The following KIF26B variants were observed in gnomAD, a reference collection of about 807,000 sequenced individuals.
KIF26B encodes the protein kinesin family member 26B.
KIF26B carries 63 observed loss-of-function variants against 151.2 expected under a neutral mutation model. The observed-to-expected ratio is 0.42, with a 90% CI of 0.34 to 0.51. The LOEUF (loss-of-function observed/expected upper bound fraction) is 0.51, where lower values mean the gene tolerates loss of function less well. Among genes scored for constraint, KIF26B ranks in the 20% least tolerant of loss-of-function variants. The probability of loss-of-function intolerance (pLI) is 0.07; values close to 1 mark genes in which losing one functional copy is unlikely to be tolerated. For missense variants in KIF26B, 2,813 were observed against 2,913.6 expected (o/e 0.97, Z 0.79); for synonymous variants, 1,357 against 1,262.1 (o/e 1.08, Z -1.59).
chr1:245,335,696 A>T (rs145217939), intron 2 of KIF26B, among the ~76,000 whole-genome samples: 245 of 147,102 alleles, frequency 1.7e-3, no homozygotes, highest in African/African-American at 5.8e-3. Context: ...ACGCGGGGAA[A>T]GAAGGGTCCC....
At chr1:245,449,959 A>T (rs1659349217) in intron 4 of KIF26B, among the ~76,000 whole-genome samples, 1 of 152,208 alleles carries the variant, frequency 6.6e-6, no homozygotes, top group African/African-American at 2.4e-5. Flanking sequence ...ACGTGGAATG[A>T]GGAATGTCCA....
chr1:245,684,458 C>G, intron 11 of KIF26B, 63 bp downstream of exon 11: 1 of 1,477,318 alleles, frequency 6.8e-7, no homozygotes, highest in East Asian at 2.5e-5. Context: ...TGCCCTGGAA[C>G]AGAGTCAGAA....
At chr1:245,459,667 T>C (rs1659607049) in intron 4 of KIF26B, among the ~76,000 whole-genome samples, 1 of 152,088 alleles carries the variant, frequency 6.6e-6, no homozygotes, top group Non-Finnish European at 1.5e-5. Flanking sequence ...GCTGTGTCAG[T>C]GAAGGAGTGA....
At chr1:245,273,442 C>G (rs550563291) in intron 2 of KIF26B, among the ~76,000 whole-genome samples, 1 of 146,452 alleles carries the variant, frequency 6.8e-6, no homozygotes, top group Non-Finnish European at 1.5e-5. Flanking sequence ...AAAAAAAAAA[C>G]CCCAAAAAAC....
rs1470131824 is a variant in KIF26B at position 245,708,676 on chromosome 1, C to A, written c.*6070C>A. 6.6e-6 allele frequency: 1 copy of A among 152,088 alleles called. No homozygotes were observed. Among genetic ancestry groups the A allele is most frequent in the Non-Finnish European group, 1.5e-5 (1 of 68,030 alleles). 9.4% of individuals were successfully genotyped at this position (152,088 alleles called of 1,614,324 possible). A position where few individuals can be genotyped will look rare whatever the true frequency, so the allele number is the denominator to read the frequency against. On this transcript the variant is annotated 3_prime_UTR_variant, in exon 15 of 15. Transcript: ENST00000407071. The stretch of plus-strand genomic sequence containing the variant: ...AGGACAGAAAACCTGAGTTCTAATT[C>A]CAGCTTTGCCAGTCGTCCCGTCCGT...
intron 10 of KIF26B, among the ~76,000 whole-genome samples, chr1:245,662,346 C>CCTA (rs2044155946): frequency 6.9e-6 from 1 of 145,972 alleles, no homozygotes; most frequent in Non-Finnish European, 1.5e-5. Flanking sequence ...CACACACACC[C>CCTA]TATATATATA....
intron 3 of KIF26B, chr1:245,371,328 C>T (rs1021854626): frequency 5.3e-5 from 8 of 152,130 alleles, no homozygotes; most frequent in African/African-American, 4.8e-5. Flanking sequence ...TTGTACAGTT[C>T]GCAGTCTAGC....
At chr1:245,185,461 G>T (rs543976412) in intron 2 of KIF26B, among the ~76,000 whole-genome samples, 1 of 152,146 alleles carries the variant, frequency 6.6e-6, no homozygotes, top group Admixed American at 6.5e-5. Flanking sequence ...GGATAAAATC[G>T]AAAGGTACAA....
At chr1:245,177,057 C>T (rs533133917) in intron 2 of KIF26B, among the ~76,000 whole-genome samples, 5 of 152,198 alleles carry the variant, frequency 3.3e-5, no homozygotes, top group South Asian at 2.1e-4. Context: ...CTGGCTCAAG[C>T]GATCTGCTTG....
rs114080480 is a variant in KIF26B at position 245,623,895 on chromosome 1, A to T, written c.2098+11919A>T. On this transcript the variant is annotated intron_variant, in intron 9 of 14. Transcript: ENST00000407071. ...TACATGCACAAGTCTTTGTATGGTT[A>T]TATGGTTTGGCTCTGTCCTCGCCCA... 3.2e-3 allele frequency among the ~76,000 whole-genome samples: 483 copies of T among 152,298 alleles called. 2 individuals carry two copies. Among genetic ancestry groups the T allele is most frequent in the Admixed American group, 4.8e-3 (74 of 15,304 alleles).
chr1:245,392,625 C>T (rs759583298), intron 3 of KIF26B, among the ~76,000 whole-genome samples: 16 of 152,132 alleles, frequency 1.1e-4, no homozygotes, highest in Non-Finnish European at 2.1e-4. Context: ...ATCTCCCTCT[C>T]CCTTCCCCTT....
At chr1:245,612,513 A>G (rs951217264) in intron 9 of KIF26B, among the ~76,000 whole-genome samples, 4 of 152,168 alleles carry the variant, frequency 2.6e-5, no homozygotes, top group African/African-American at 9.7e-5. Context: ...CAGGGAAAGG[A>G]GTTTGCTTTG....
At chr1:245,219,046 T>G (rs1669705013) in intron 2 of KIF26B, among the ~76,000 whole-genome samples, 1 of 151,774 alleles carries the variant, frequency 6.6e-6, no homozygotes, top group Admixed American at 6.6e-5. Context: ...GAGTGTCTTG[T>G]TCTGACCGTG....
chr1:245,678,658 T>C (rs56715376), intron 10 of KIF26B, among the ~76,000 whole-genome samples: 1 of 152,098 alleles, frequency 6.6e-6, no homozygotes, highest in African/African-American at 2.4e-5. Context: ...GGTCAGGAGA[T>C]TGAGACCATC....
At chr1:245,159,998 C>T (rs1200406981) in intron 2 of KIF26B, among the ~76,000 whole-genome samples, 1 of 152,190 alleles carries the variant, frequency 6.6e-6, no homozygotes, top group Non-Finnish European at 1.5e-5. Context: ...GTTTGGTTTT[C>T]CATGCAGCGA....
chr1:245,262,849 C>T (rs1379783911), intron 2 of KIF26B, among the ~76,000 whole-genome samples: 4 of 152,232 alleles, frequency 2.6e-5, no homozygotes, highest in African/African-American at 9.6e-5. Context: ...TTTCACAGAG[C>T]AGGCTGCTCT....
chr1:245,484,796 C>A lies in KIF26B; in HGVS notation c.1167-55971C>A, dbSNP rs984247450. The stretch of plus-strand genomic sequence containing the variant: ...TATTATTATTATTATTATTATTATT[C>A]TTTTAATTCTTCAAAGGAGAAGCTC... On this transcript the variant is annotated intron_variant, in intron 4 of 14. Transcript: ENST00000407071. Among the ~76,000 whole-genome samples the A allele has an allele frequency of 2.6e-4, 31 of 117,262 alleles. 1 individual carries two copies. In the East Asian group the frequency reaches 6.8e-3, roughly 26 times the overall value. 76.9% of individuals were successfully genotyped at this position (117,262 alleles called of 152,430 possible).
At chr1:245,159,939 A>G (rs1668505931) in intron 2 of KIF26B, among the ~76,000 whole-genome samples, 1 of 152,228 alleles carries the variant, frequency 6.6e-6, no homozygotes, top group African/African-American at 2.4e-5. Flanking sequence ...GGTAGGAAAT[A>G]GGAGGAGACA....
At position 245,540,660 on chromosome 1, in the gene KIF26B, G is replaced by A; in HGVS notation, c.1167-107G>A. On this transcript the variant is annotated intron_variant, in intron 4 of 14. Transcript: ENST00000407071. This position sits in a 1 kb window ranked among gnomAD's most constrained non-coding sequence, Gnocchi z 4.6. Reference sequence around the variant, plus strand: ...CACTGAGCAGGAGGAGAGAAGGAATGATTAGGCCTCAGAAAGAACGAGGGG... The same window carrying A: ...CACTGAGCAGGAGGAGAGAAGGAATAATTAGGCCTCAGAAAGAACGAGGGG... 1 of 977,252 alleles carries A rather than the reference G, an allele frequency of 1.0e-6. No homozygotes were observed. The highest frequency in any genetic ancestry group is 1.7e-6 in the Non-Finnish European group (1 of 598,922). The allele number at this position is 977,252 out of a possible 1,614,324, so 60.5% of individuals were successfully genotyped here.
Sources: gnomAD v4.1 joint callset for allele counts (sites outside exome capture counted in the v4.1 genomes callset) on GRCh38, gnomAD v4.1.1 for gene constraint, Gnocchi (gnomAD v3.1) non-coding constraint, MANE v1.5 for transcripts, NCBI Gene and HGNC (gene_info 2026-07-23, HGNC 2026-07-21) for gene names.